Variants in FMNL3 observed in about 807,000 individuals in gnomAD.
FMNL3 encodes the protein formin-like protein 3.
Under a neutral mutation model 119.6 loss-of-function variants are expected in FMNL3, and 57 were observed. The ratio of observed to expected loss-of-function variants is 0.48; its 90% CI spans 0.39 to 0.59. The LOEUF is 0.59. Ranked by LOEUF, FMNL3 falls within the 20% of genes least tolerant of loss-of-function variation. FMNL3 has a pLI of 0.00. For synonymous variants in FMNL3, 491 were observed against 507.3 expected (o/e 0.97, Z 0.43); for missense variants, 1,053 against 1,323.5 (o/e 0.80, Z 3.17).
At position 49,707,135 on chromosome 12, in the gene FMNL3, A is replaced by C; in HGVS notation, c.46T>G (p.Ser16Ala). 3.1e-6 allele frequency: 5 copies of C among 1,600,342 alleles called. No individual in the cohort carries two copies. The highest frequency in any genetic ancestry group is 4.3e-6 in the Non-Finnish European group (5 of 1,174,586). ...CCGGGCGGCAGCAACAACGGGACAGAGGGGGGCTCTCCCGGGACCCCCTCG... is the reference window on the plus strand; with the variant it reads ...CCGGGCGGCAGCAACAACGGGACAGCGGGGGGCTCTCCCGGGACCCCCTCG... ...SAEGVPGEPP[S>A]VPLLLPPGKM... The change falls in exon 1 of 26, where the codon TCT (serine) becomes GCT (alanine). Residue 16 changes from serine to alanine, a missense_variant. Transcript: ENST00000335154.
rs200285479 is a variant in FMNL3 at position 49,646,997 on chromosome 12, G to T, written c.2884C>A (p.Arg962=). The change falls in exon 25 of 26, where the codon CGG becomes AGG. Residue 962 remains arginine, a synonymous_variant. Transcript: ENST00000335154. The part of the protein sequence containing the change: ...KKLDAKTPSQ[R]NKWQQQELIA... ...AACTCCTGCTGTTGCCACTTGTTCC[G>T]CTGGGATGGGGTCTAGGGCCAAGAA... 6.2e-7 allele frequency: 1 copy of T among 1,612,096 alleles called. No individual in the cohort carries two copies. The highest frequency in any genetic ancestry group is 1.1e-5 in the South Asian group (1 of 91,052).
intron 2 of FMNL3, among the ~76,000 whole-genome samples, chr12:49,666,470 G>A (rs1310073658): frequency 6.6e-6 from 1 of 152,168 alleles, no homozygotes; most frequent in Non-Finnish European, 1.5e-5. Context: ...TATTTTAAAA[G>A]TGTGCTGCTT....
rs1944587570 is a variant in FMNL3, at chr12:49,691,045, G to A, written c.126+16010C>T. ...GTGACAGTAAGACCCTGTCTGAAAAGCAACAACAAAAAAAACTGGGCTTTG... is the reference window on the plus strand; with the variant it reads ...GTGACAGTAAGACCCTGTCTGAAAAACAACAACAAAAAAAACTGGGCTTTG... On this transcript the variant is annotated intron_variant, in intron 1 of 25. Transcript: ENST00000335154. Among the ~76,000 whole-genome samples the A allele has an allele frequency of 2.0e-5, 3 of 152,212 alleles. No homozygotes were observed. The South Asian group carries it at 6.2e-4, about 32-fold the overall frequency.
chr12:49,676,520 GTTTTTTTTTTTT>G (rs58117011), intron 1 of FMNL3, among the ~76,000 whole-genome samples: 7 of 102,996 alleles, frequency 6.8e-5, no homozygotes, highest in African/African-American at 1.7e-4. Flanking sequence ...TTCATAGTGG[GTTTTTTTTTTTT>G]TTTTTTTTTT....
chr12:49,693,345 G>A (rs543168308), intron 1 of FMNL3, among the ~76,000 whole-genome samples: 1 of 151,882 alleles, frequency 6.6e-6, no homozygotes. Flanking sequence ...TACATATAGA[G>A]AGAGACAGTT....
Position 49,637,152 on chromosome 12 carries a change from G to A in FMNL3, c.*8663C>T. 1.7e-6 allele frequency: 1 copy of A among 575,098 alleles called. No individual in the cohort carries two copies. Among genetic ancestry groups the A allele is most frequent in the Non-Finnish European group, 3.1e-6 (1 of 323,594 alleles). 35.6% of individuals were successfully genotyped at this position (575,098 alleles called of 1,614,324 possible). On this transcript the variant is annotated 3_prime_UTR_variant, in exon 26 of 26. Transcript: ENST00000335154. Reference sequence around the variant, plus strand: ...CCCTTGGTGGGGCACCCGACAGGCAGAGTTTATTCCCTCAGCTTGGGGGTG... The same window carrying A: ...CCCTTGGTGGGGCACCCGACAGGCAAAGTTTATTCCCTCAGCTTGGGGGTG...
At chr12:49,667,753 TAATA>T (rs893051806) in intron 2 of FMNL3, among the ~76,000 whole-genome samples, 3 of 152,102 alleles carry the variant, frequency 2.0e-5, no homozygotes, top group Non-Finnish European at 4.4e-5. Context: ...TGAAAAGAAA[TAATA>T]AAATTGTACA....
chr12:49,652,392 A>T, intron 13 of FMNL3, 180 bp from the exon 14 acceptor site: 1 of 1,261,628 alleles, frequency 7.9e-7, no homozygotes, highest in Non-Finnish European at 1.1e-6. Flanking sequence ...AAAACAAAAG[A>T]GGCAAGCAGA....
intron 9 of FMNL3, among the ~76,000 whole-genome samples, chr12:49,655,501 A>AG (rs775141687): frequency 4.8e-4 from 73 of 152,274 alleles, no homozygotes; most frequent in Non-Finnish European, 9.3e-4. Context: ...CAAATTGCTG[A>AG]GGGAATTCAG....
chr12:49,700,407 A>C (rs1359369555), intron 1 of FMNL3, among the ~76,000 whole-genome samples: 1 of 150,402 alleles, frequency 6.6e-6, no homozygotes, highest in Non-Finnish European at 1.5e-5. Flanking sequence ...AAAAAAAAAA[A>C]AAAGAGATTT....
At chr12:49,674,753 G>A (rs889281807) in intron 1 of FMNL3, among the ~76,000 whole-genome samples, 7 of 152,182 alleles carry the variant, frequency 4.6e-5, no homozygotes, top group Admixed American at 1.3e-4. Context: ...TCACAGGCTC[G>A]GAACCATGTC....
intron 1 of FMNL3, chr12:49,688,527 C>A (rs1488229409): frequency 2.2e-6 from 1 of 455,892 alleles, no homozygotes; most frequent in Non-Finnish European, 4.4e-6. Flanking sequence ...GTGCAAAGTT[C>A]TTTTCCACCC....
chr12:49,637,093 C>CA lies in FMNL3; in HGVS notation c.*8721dup, dbSNP rs974916085. 39 of 618,230 alleles carry CA rather than the reference C, an allele frequency of 6.3e-5. No individual in the cohort carries two copies. The African/African-American group carries it at 7.0e-4, about 11-fold the overall frequency. 38.3% of individuals were successfully genotyped at this position (618,230 alleles called of 1,614,324 possible). A position where few individuals can be genotyped will look rare whatever the true frequency, so the allele number is the denominator to read the frequency against. Reference sequence around the variant, plus strand: ...GAAACTGCCAGTAGAGAGCACCCTACAGGCATGACTTGGCAGCTAGGCCAT... The same window carrying CA: ...GAAACTGCCAGTAGAGAGCACCCTACAAGGCATGACTTGGCAGCTAGGCCAT... On this transcript the variant is annotated 3_prime_UTR_variant, in exon 26 of 26. Coordinates refer to ENST00000335154, the MANE Select transcript of FMNL3 (RefSeq NM_175736.5).
intron 1 of FMNL3, among the ~76,000 whole-genome samples, chr12:49,700,091 A>T (rs1246288424): frequency 6.6e-6 from 1 of 152,214 alleles, no homozygotes; most frequent in Non-Finnish European, 1.5e-5. Context: ...TGTTATTTGT[A>T]ACAGCAAAAA....
At chr12:49,698,300 G>T (rs150669696) in intron 1 of FMNL3, among the ~76,000 whole-genome samples, 1 of 152,244 alleles carries the variant, frequency 6.6e-6, no homozygotes, top group East Asian at 1.9e-4. Context: ...GGTGGTAAAA[G>T]AGATGGACGT....
At chr12:49,656,557 C>T in intron 8 of FMNL3, 60 bp from the exon 9 acceptor site, 1 of 1,463,628 alleles carries the variant, frequency 6.8e-7, no homozygotes, top group African/African-American at 1.4e-5. Context: ...CCACACAGCT[C>T]ATTTCCCTGA....
chr12:49,700,096 CAA>C (rs530886769), intron 1 of FMNL3, among the ~76,000 whole-genome samples: 7 of 151,770 alleles, frequency 4.6e-5, no homozygotes, highest in Non-Finnish European at 5.9e-5. Flanking sequence ...TTTGTAACAG[CAA>C]AAAAAAGATT....
intron 1 of FMNL3, among the ~76,000 whole-genome samples, chr12:49,693,900 G>A (rs146228830): frequency 0.014 from 2,123 of 151,744 alleles, 48 homozygotes; most frequent in African/African-American, 0.047. Context: ...TGCCCATTTC[G>A]GCCTCCTCAA....
chr12:49,679,085 G>C lies in FMNL3; in HGVS notation c.127-10531C>G, dbSNP rs1210271732. Among the ~76,000 whole-genome samples, 4 of 152,094 alleles carry C rather than the reference G, an allele frequency of 2.6e-5. No individual in the cohort carries two copies. In the East Asian group the frequency reaches 7.7e-4, roughly 29 times the overall value. On this transcript the variant is annotated intron_variant, in intron 1 of 25. Coordinates refer to ENST00000335154, the MANE Select transcript of FMNL3 (RefSeq NM_175736.5). ...AGCTAACATTTATTGACAGAACTGCGATAAGCACTCTATATGAATTATCTC... is the reference window on the plus strand; with the variant it reads ...AGCTAACATTTATTGACAGAACTGCCATAAGCACTCTATATGAATTATCTC...
Sources: gnomAD v4.1 joint callset for allele counts (sites outside exome capture counted in the v4.1 genomes callset) on GRCh38, gnomAD v4.1.1 for gene constraint, MANE v1.5 for transcripts, NCBI Gene and HGNC (gene_info 2026-07-23, HGNC 2026-07-21) for gene names.